Variants in SMYD1 observed in about 807,000 individuals in gnomAD.
SMYD1 encodes SET and MYND domain containing 1.
In SMYD1, 49 loss-of-function variants were observed where a neutral mutation model predicts 54.0. That is an observed-to-expected ratio of 0.91 (90% CI 0.72 to 1.15). SMYD1 has a LOEUF of 1.15. SMYD1 is among the 50% of genes most tolerant of loss of function. SMYD1 has a pLI of 0.00. For missense variants in SMYD1, 653 were observed against 639.6 expected (o/e 1.02, Z -0.23); for synonymous variants, 269 against 234.2 (o/e 1.15, Z -1.36).
In SMYD1 at chr2:88,110,334, G is replaced by C. The variant is rs772493947; in HGVS notation, c.1315-20G>C. ...CTAGGGGCTTGCTATCACTGTTTACGGTGTATCTGTGTCCCACAGGCCATG... is the reference window on the plus strand; with the variant it reads ...CTAGGGGCTTGCTATCACTGTTTACCGTGTATCTGTGTCCCACAGGCCATG... On this transcript the variant is annotated intron_variant, in intron 9 of 9. Coordinates refer to ENST00000419482, the MANE Select transcript of SMYD1 (RefSeq NM_198274.4). 4 of 1,598,782 alleles carry C rather than the reference G, an allele frequency of 2.5e-6. No individual in the cohort carries two copies. The highest frequency in any genetic ancestry group is 3.4e-6 in the Non-Finnish European group (4 of 1,171,456).
At chr2:88,088,279 A>G (rs1259752021) in intron 3 of SMYD1, among the ~76,000 whole-genome samples, 1 of 152,214 alleles carries the variant, frequency 6.6e-6, no homozygotes, top group Non-Finnish European at 1.5e-5. Context: ...TATTTACCGC[A>G]TGTAGCAGAA....
chr2:88,087,145 T>G (rs1674348749), intron 2 of SMYD1, among the ~76,000 whole-genome samples: 1 of 151,828 alleles, frequency 6.6e-6, no homozygotes, highest in Admixed American at 6.6e-5. Flanking sequence ...TTACTTCACT[T>G]TGTCTTCTGA....
chr2:88,087,736 A>T, intron 2 of SMYD1, 126 bp from the exon 3 acceptor site: 1 of 801,776 alleles, frequency 1.2e-6, no homozygotes, highest in Non-Finnish European at 2.0e-6. Context: ...AATAAATTCC[A>T]TCCATCTAGT....
At chr2:88,091,695 T>C (rs1238875116) in intron 4 of SMYD1, among the ~76,000 whole-genome samples, 1 of 151,866 alleles carries the variant, frequency 6.6e-6, no homozygotes, top group Non-Finnish European at 1.5e-5. Context: ...AAAAAATAAA[T>C]AAATACATAA....
chr2:88,107,092 T>C lies in SMYD1; in HGVS notation c.1145+604T>C, dbSNP rs112292510. ...GGAGGGCACCTGTAGTCCCAGCTAC[T>C]TGGGAGGCTGAGGCAGGAGAATGGC... is the stretch of plus-strand genomic sequence containing the variant. On this transcript the variant is annotated intron_variant, in intron 8 of 9. Coordinates refer to ENST00000419482, the MANE Select transcript of SMYD1 (RefSeq NM_198274.4). Among the ~76,000 whole-genome samples, 1,229 of 152,156 alleles carry C rather than the reference T, an allele frequency of 8.1e-3. 25 individuals are homozygous for C. Among genetic ancestry groups the C allele is most frequent in the African/African-American group, 0.028 (1,173 of 41,512 alleles).
chr2:88,068,922 C>G (rs1055931102), intron 1 of SMYD1, among the ~76,000 whole-genome samples: 1 of 151,998 alleles, frequency 6.6e-6, no homozygotes, highest in Non-Finnish European at 1.5e-5. Flanking sequence ...AATCCTTGAT[C>G]GTGTCTACCT....
chr2:88,090,447 A>G (rs960092071), intron 3 of SMYD1, among the ~76,000 whole-genome samples: 1 of 152,224 alleles, frequency 6.6e-6, no homozygotes, highest in Non-Finnish European at 1.5e-5. Context: ...GTAGTAACCA[A>G]CTTGATTTGC....
intron 3 of SMYD1, among the ~76,000 whole-genome samples, 155 bp from the exon 4 acceptor site, chr2:88,090,857 C>T (rs572184501): frequency 2.0e-4 from 30 of 152,286 alleles, no homozygotes; most frequent in African/African-American, 6.7e-4. Context: ...TCTGGAGTCA[C>T]GCAGAGAACA....
chr2:88,108,431 C>A lies in SMYD1; in HGVS notation c.1206C>A (p.Thr402=). 1 of 1,612,938 alleles carries A rather than the reference C, an allele frequency of 6.2e-7. No homozygotes were observed. Among genetic ancestry groups the A allele is most frequent in the Non-Finnish European group, 8.5e-7 (1 of 1,179,508 alleles). The change falls in exon 9 of 10, where the codon ACC becomes ACA. Residue 402 remains threonine, a synonymous_variant. Transcript: ENST00000419482. Reference sequence around the variant, plus strand: ...TGGCCGTGATGCGGGCAGGGCTGACCAACTGGCATGCTGGTAACATTGAGG... The same window carrying A: ...TGGCCGTGATGCGGGCAGGGCTGACAAACTGGCATGCTGGTAACATTGAGG... ...LGMAVMRAGL[T]NWHAGNIEVG...
At chr2:88,106,538 C>G (rs76674542) in intron 8 of SMYD1, 50 bp downstream of exon 8, 1 of 1,576,812 alleles carries the variant, frequency 6.3e-7, no homozygotes, top group East Asian at 2.3e-5. Flanking sequence ...TGTGTGTATT[C>G]CAGGGATGGC....
rs749702131 is a variant in SMYD1 at position 88,088,000 on chromosome 2, G to C, written c.453G>C (p.Val151=). 2.5e-6 allele frequency: 4 copies of C among 1,614,162 alleles called. No homozygotes were observed. In the South Asian group the frequency reaches 4.4e-5, roughly 18 times the overall value. The change falls in exon 3 of 10, where the codon GTG becomes GTC. Residue 151 remains valine (V), a synonymous_variant. Coordinates refer to ENST00000419482, the MANE Select transcript of SMYD1 (RefSeq NM_198274.4). ...AGCAGAAGGACCTGCGGGTGGACGT[G>C]GACACATTCTTGCAGTACTGGCCGC... The part of the protein sequence containing the change: ...EEEQKDLRVD[V]DTFLQYWPPQ...
rs543615199 is a variant in SMYD1, at chr2:88,077,880, C to G, written c.138-6436C>G. ...CTGGGATTACAGGTGCCCGCCACCA[C>G]GCCTGGCTAATTTTTTGTATTTTTA... On this transcript the variant is annotated intron_variant, in intron 1 of 9. Coordinates refer to ENST00000419482, the MANE Select transcript of SMYD1 (RefSeq NM_198274.4). Among the ~76,000 whole-genome samples, 25 of 152,168 alleles carry G rather than the reference C, an allele frequency of 1.6e-4. 1 individual carries two copies. Among genetic ancestry groups the G allele is most frequent in the African/African-American group, 6.0e-4 (25 of 41,522 alleles).
At chr2:88,110,265 G>T in intron 9 of SMYD1, 89 bp from the exon 10 acceptor site, 3 of 1,354,390 alleles carry the variant, frequency 2.2e-6, no homozygotes, top group Non-Finnish European at 3.0e-6. Flanking sequence ...AATCTCCGTG[G>T]CTGGAAATAA....
chr2:88,076,837 T>C (rs1674077388), intron 1 of SMYD1, among the ~76,000 whole-genome samples: 3 of 151,798 alleles, frequency 2.0e-5, no homozygotes, highest in African/African-American at 7.3e-5. Flanking sequence ...TGAAATTCCA[T>C]CTCTACAAAA....
At position 88,106,362 on chromosome 2, in the gene SMYD1, A is replaced by G. The variant is rs1443917225; in HGVS notation, c.1019A>G (p.Glu340Gly). The G allele has an allele frequency of 6.2e-7, 1 of 1,614,002 alleles. No homozygotes were observed. Among genetic ancestry groups the G allele is most frequent in the African/African-American group, 1.3e-5 (1 of 74,894 alleles). Reference sequence around the variant, plus strand: ...TGCCGGGAGTGCCTGGAGAAGCAGGAGCCAGTGTTTGCTGACACCAACATC... The same window carrying G: ...TGCCGGGAGTGCCTGGAGAAGCAGGGGCCAGTGTTTGCTGACACCAACATC... ...KLCRECLEKQEPVFADTNIYM... is the reference protein window; with the variant it reads ...KLCRECLEKQGPVFADTNIYM... The change falls in exon 8 of 10, where the codon GAG (glutamate) becomes GGG (glycine). Residue 340 changes from glutamate (E) to glycine (G), a missense_variant. Physicochemically the swap from Glu to Gly is moderately conservative, Grantham distance 98. Transcript: ENST00000419482.
chr2:88,100,061 C>T (rs964382444), intron 6 of SMYD1, among the ~76,000 whole-genome samples: 7 of 151,724 alleles, frequency 4.6e-5, no homozygotes, highest in African/African-American at 1.7e-4. Flanking sequence ...TGGCTCCTCC[C>T]CCCCTCTTCC....
intron 5 of SMYD1, among the ~76,000 whole-genome samples, chr2:88,096,012 C>G (rs1389207109): frequency 6.6e-6 from 1 of 152,206 alleles, no homozygotes; most frequent in Non-Finnish European, 1.5e-5. Context: ...AGTAAGCTAA[C>G]AGAGCCAGCC....
chr2:88,100,643 T>TA lies in SMYD1; in HGVS notation c.889-2414dup, dbSNP rs143391232. 4.8e-3 allele frequency among the ~76,000 whole-genome samples: 732 copies of TA among 152,202 alleles called. 1 individual carries two copies. The highest frequency in any genetic ancestry group is 8.0e-3 in the Non-Finnish European group (541 of 68,002). ...AGGCAAGACATGGGCTTAATTCCAA[T>TA]AGGCTTAGGAAAGCAGTCACACACT... On this transcript the variant is annotated intron_variant, in intron 6 of 9. Transcript: ENST00000419482.
intron 7 of SMYD1, among the ~76,000 whole-genome samples, chr2:88,104,177 A>G (rs111896164): frequency 3.1e-4 from 47 of 152,290 alleles, no homozygotes; most frequent in South Asian, 1.7e-3. Flanking sequence ...CATGTTAGCC[A>G]GGATGGTCTC....
Sources: allele counts gnomAD v4.1 joint callset (sites outside exome capture counted in the v4.1 genomes callset), GRCh38; gene constraint gnomAD v4.1.1; transcripts MANE v1.5; gene names NCBI Gene and HGNC (gene_info 2026-07-23, HGNC 2026-07-21).